The following CLIC2 variants were observed in gnomAD, a reference collection of about 807,000 sequenced individuals.
The protein encoded by CLIC2 is CLIC family member 2.
A neutral mutation model predicts 14.8 loss-of-function variants in CLIC2; 9 were observed. The observed-to-expected ratio is 0.61, with a 90% CI of 0.37 to 1.06. The LOEUF (loss-of-function observed/expected upper bound fraction) is 1.06. CLIC2 is among the 50% of genes least tolerant of loss of function. The probability of loss-of-function intolerance (pLI) is 0.01; values close to 1 mark genes in which losing one functional copy is unlikely to be tolerated. For missense variants in CLIC2, 148 were observed against 181.4 expected, an observed-to-expected ratio of 0.82 and a Z score of 1.06; for synonymous variants, 61 against 66.3, an observed-to-expected ratio of 0.92 and a Z score of 0.39.
intron 1 of CLIC2, among the ~76,000 whole-genome samples, chrX:155,314,550 G>GACCA (rs1557320931): frequency 9.0e-6 from 1 of 111,705 alleles, no homozygotes; most frequent in African/African-American, 3.3e-5. Flanking sequence ...ACAATCAAGG[G>GACCA]ACCACCCCGT....
chrX:155,279,112 C>A (rs782325597), intron 5 of CLIC2, 37 bp downstream of exon 5: 1 of 1,165,266 alleles, frequency 8.6e-7, no homozygotes, highest in South Asian at 1.8e-5. Context: ...ACTGGCAAAC[C>A]CCTCCCACCC....
chrX:155,277,635 A>T lies in CLIC2; in HGVS notation c.*268T>A. ...ATGTATGCATTCCAGGAATTCAAGCAAAGGGCAAAAGATTGTGATGCTTTC... is the reference window on the plus strand; with the variant it reads ...ATGTATGCATTCCAGGAATTCAAGCTAAGGGCAAAAGATTGTGATGCTTTC... On this transcript the variant is annotated 3_prime_UTR_variant, in exon 6 of 6. Transcript: ENST00000369449. 3.3e-6 allele frequency: 1 copy of T among 302,880 alleles called. No individual in the cohort carries two copies. Among genetic ancestry groups the T allele is most frequent in the Non-Finnish European group, 5.8e-6 (1 of 173,163 alleles). 25.0% of individuals were successfully genotyped at this position (302,880 alleles called of 1,213,427 possible). A position where few individuals can be genotyped will look rare whatever the true frequency, so the allele number is the denominator to read the frequency against.
chrX:155,316,906 A>G (rs1557321139), intron 1 of CLIC2, among the ~76,000 whole-genome samples: 1 of 111,070 alleles, frequency 9.0e-6, no homozygotes, highest in Non-Finnish European at 1.9e-5. Flanking sequence ...GGCAGCTAAT[A>G]AGATGCTGCC....
chrX:155,330,421 GA>G (rs782191235), intron 1 of CLIC2, among the ~76,000 whole-genome samples: 14 of 110,834 alleles, frequency 1.3e-4, no homozygotes, highest in African/African-American at 4.6e-4. Context: ...GATAAATAAG[GA>G]CATGAAAAGA....
intron 3 of CLIC2, among the ~76,000 whole-genome samples, chrX:155,282,767 A>C (rs2074924780): frequency 9.0e-6 from 1 of 111,191 alleles, no homozygotes. Flanking sequence ...GCCAATACCC[A>C]CAGACCCAGT....
At chrX:155,285,829 CT>C (rs200987876) in intron 3 of CLIC2, among the ~76,000 whole-genome samples, 6 of 103,105 alleles carry the variant, frequency 5.8e-5, no homozygotes, top group East Asian at 2.9e-4. Context: ...TTCTTTCTTT[CT>C]TTTTTTTTTA....
intron 3 of CLIC2, chrX:155,292,790 C>CAAACAAACAAAT (rs2124167841): frequency 1.5e-6 from 1 of 645,827 alleles, no homozygotes; most frequent in East Asian, 3.2e-5. Context: ...AACAAACAAA[C>CAAACAAACAAAT]AAACAAACAA....
At chrX:155,319,937 C>A (rs2075108140) in intron 1 of CLIC2, among the ~76,000 whole-genome samples, 2 of 112,489 alleles carry the variant, frequency 1.8e-5, no homozygotes, top group Admixed American at 1.9e-4. Context: ...GTAAACAAAG[C>A]CACCAGAAAG....
intron 1 of CLIC2, among the ~76,000 whole-genome samples, chrX:155,323,367 C>G (rs1481003003): frequency 5.3e-5 from 6 of 112,200 alleles, no homozygotes; most frequent in African/African-American, 1.9e-4. Flanking sequence ...GGATACAAGG[C>G]TGGTTCAACA....
chrX:155,312,573 T>C (rs782559549), intron 1 of CLIC2, among the ~76,000 whole-genome samples: 1 of 111,892 alleles, frequency 8.9e-6, no homozygotes, highest in South Asian at 3.8e-4. Flanking sequence ...CATAGCTCTG[T>C]AGTATAGTTT....
At chrX:155,328,376 A>C (rs376350725) in intron 1 of CLIC2, among the ~76,000 whole-genome samples, 10 of 111,702 alleles carry the variant, frequency 9.0e-5, no homozygotes, top group African/African-American at 3.2e-4. Context: ...ACAATGTGAA[A>C]AAAAATCAAG....
chrX:155,301,935 G>T (rs1557319167), intron 1 of CLIC2, among the ~76,000 whole-genome samples: 12 of 88,890 alleles, frequency 1.3e-4, no homozygotes, highest in Non-Finnish European at 1.8e-4. Flanking sequence ...AAGCCCACTT[G>T]ATCATGGTGG....
chrX:155,282,461 C>G (rs2074923473), intron 3 of CLIC2, among the ~76,000 whole-genome samples: 1 of 111,358 alleles, frequency 9.0e-6, no homozygotes, highest in Non-Finnish European at 1.9e-5. Flanking sequence ...GGGCCCAACA[C>G]AGTAAAGTCT....
At chrX:155,287,793 T>C (rs1225276296) in intron 3 of CLIC2, among the ~76,000 whole-genome samples, 1 of 112,356 alleles carries the variant, frequency 8.9e-6, no homozygotes, top group Non-Finnish European at 1.9e-5. Flanking sequence ...AGAATGTCAT[T>C]GTTAGTTTGT....
chrX:155,320,849 CA>C (rs1557321538), intron 1 of CLIC2, among the ~76,000 whole-genome samples: 1 of 111,185 alleles, frequency 9.0e-6, no homozygotes, highest in Non-Finnish European at 1.9e-5. Flanking sequence ...CTAGAAAAAC[CA>C]GTATAGAGAA....
chrX:155,291,312 C>T, intron 3 of CLIC2: 1 of 902,420 alleles, frequency 1.1e-6, no homozygotes, highest in Non-Finnish European at 1.6e-6. Context: ...CTGTACTTTC[C>T]ATTTCTGGCT....
rs1021735617 is a variant in CLIC2 at position 155,334,553 on chromosome X, G to C, written c.-126C>G. 1.4e-4 allele frequency: 80 copies of C among 589,268 alleles called. No individual in the cohort carries two copies. The highest frequency in any genetic ancestry group is 1.0e-4 in the Non-Finnish European group (35 of 342,589). 48.6% of individuals were successfully genotyped at this position (589,268 alleles called of 1,213,427 possible). On this transcript the variant is annotated 5_prime_UTR_variant, in exon 1 of 6. Coordinates refer to ENST00000369449, the MANE Select transcript of CLIC2 (RefSeq NM_001289.6). ...GTGCTTTAAGAAGACCGTCTAGCTT[G>C]TAGTGGACTGAGTCAGACCTGGAGC...
chrX:155,326,919 G>T (rs1411956532), intron 1 of CLIC2, among the ~76,000 whole-genome samples: 1 of 111,688 alleles, frequency 9.0e-6, no homozygotes, highest in Admixed American at 9.6e-5. Context: ...ATTAATGGTT[G>T]AGGGACTGGA....
chrX:155,288,390 A>G (rs1474337246), intron 3 of CLIC2, among the ~76,000 whole-genome samples: 1 of 112,151 alleles, frequency 8.9e-6, no homozygotes, highest in Non-Finnish European at 1.9e-5. Flanking sequence ...TTAGTTTAAG[A>G]CTATAATCAC....
Sources: allele counts gnomAD v4.1 joint callset (sites outside exome capture counted in the v4.1 genomes callset), GRCh38; gene constraint gnomAD v4.1.1; transcripts MANE v1.5; gene names NCBI Gene and HGNC (gene_info 2026-07-23, HGNC 2026-07-21).